GRK3: variants seen among roughly 807,000 people sequenced by gnomAD.
GRK3 encodes the protein adrenergic, beta, receptor kinase 2.
A neutral mutation model predicts 95.7 loss-of-function variants in GRK3; 54 were observed. That is an observed-to-expected ratio of 0.56 (90% CI 0.45 to 0.71). The LOEUF is 0.71. GRK3 is among the 30% of genes least tolerant of loss of function. GRK3 has a pLI of 0.00. For missense variants in GRK3, 649 were observed against 851.2 expected, an observed-to-expected ratio of 0.76 and a Z score of 2.96; for synonymous variants, 281 against 290.8, an observed-to-expected ratio of 0.97 and a Z score of 0.34.
intron 1 of GRK3, among the ~76,000 whole-genome samples, chr22:25,594,799 A>G (rs1429904059): frequency 6.6e-6 from 1 of 151,994 alleles, no homozygotes; most frequent in African/African-American, 2.4e-5. Flanking sequence ...AATGGCGTGA[A>G]CCCAGGAGGC....
At position 25,586,110 on chromosome 22, in the gene GRK3, A is replaced by G. The variant is rs139310427; in HGVS notation, c.114-18267A>G. Among the ~76,000 whole-genome samples the G allele has an allele frequency of 8.0e-4, 122 of 152,372 alleles. No homozygotes were observed. In the East Asian group the frequency reaches 0.021, roughly 26 times the overall value. On this transcript the variant is annotated intron_variant, in intron 1 of 20. Coordinates refer to ENST00000324198, the MANE Select transcript of GRK3 (RefSeq NM_005160.4). ...ATATGCTTATATCATTGTGTAGTTT[A>G]TTTAGAAAAATGATACTCTTTCACT... is the stretch of plus-strand genomic sequence containing the variant.
intron 1 of GRK3, among the ~76,000 whole-genome samples, chr22:25,571,587 A>G (rs1390536557): frequency 6.6e-6 from 1 of 152,244 alleles, no homozygotes; most frequent in African/African-American, 2.4e-5. Flanking sequence ...ATAAGATACA[A>G]GTACACCTTT....
intron 12 of GRK3, among the ~76,000 whole-genome samples, chr22:25,694,588 T>C (rs770112145): frequency 2.0e-5 from 3 of 152,164 alleles, no homozygotes; most frequent in Non-Finnish European, 2.9e-5. Flanking sequence ...TGTTCCTCCT[T>C]CTTTCCCATC....
intron 2 of GRK3, among the ~76,000 whole-genome samples, chr22:25,611,788 C>T (rs1270862400): frequency 6.7e-6 from 1 of 150,276 alleles, no homozygotes; most frequent in Non-Finnish European, 1.5e-5. Flanking sequence ...TTTTTGAAGT[C>T]CAATTTATAC....
chr22:25,567,241 G>A (rs1259404790), intron 1 of GRK3, among the ~76,000 whole-genome samples: 5 of 152,136 alleles, frequency 3.3e-5, no homozygotes, highest in African/African-American at 1.2e-4. Context: ...CTCGAATTGG[G>A]CCATTGGAAC....
chr22:25,648,113 G>T, intron 3 of GRK3: 1 of 588,000 alleles, frequency 1.7e-6, no homozygotes, highest in Non-Finnish European at 3.0e-6. Flanking sequence ...CAAAAACTCC[G>T]TCTAAAAAAC....
chr22:25,685,834 A>G (rs963153295), intron 10 of GRK3, among the ~76,000 whole-genome samples: 2 of 152,160 alleles, frequency 1.3e-5, no homozygotes, highest in Non-Finnish European at 2.9e-5. Context: ...CAAGAACTGA[A>G]ATAAAGCATA....
intron 3 of GRK3, among the ~76,000 whole-genome samples, chr22:25,657,896 T>C (rs1398916769): frequency 6.6e-6 from 1 of 152,156 alleles, no homozygotes; most frequent in African/African-American, 2.4e-5. Context: ...CTTTCTTTTC[T>C]TTAGATTGGA....
At chr22:25,669,659 C>T (rs2084965987) in intron 6 of GRK3, among the ~76,000 whole-genome samples, 1 of 152,198 alleles carries the variant, frequency 6.6e-6, no homozygotes, top group African/African-American at 2.4e-5. Flanking sequence ...TTGGGAATAG[C>T]ACTCAAATAA....
rs113619203 is a variant in GRK3, at chr22:25,701,747, T to A, written c.1161-1763T>A. Among the ~76,000 whole-genome samples the A allele has an allele frequency of 7.2e-3, 1,091 of 152,294 alleles. 14 individuals carry two copies. The highest frequency in any genetic ancestry group is 0.017 in the Middle Eastern group (5 of 294). On this transcript the variant is annotated intron_variant, in intron 13 of 20. Transcript: ENST00000324198. Reference sequence around the variant, plus strand: ...AGGGATTTGTCAAAACACCAGGAGATCTTCACTTAATCCCTTTTTATACAT... The same window carrying A: ...AGGGATTTGTCAAAACACCAGGAGAACTTCACTTAATCCCTTTTTATACAT...
At chr22:25,633,563 T>C (rs1291070834) in intron 2 of GRK3, among the ~76,000 whole-genome samples, 1 of 152,148 alleles carries the variant, frequency 6.6e-6, no homozygotes, top group Non-Finnish European at 1.5e-5. Flanking sequence ...TTTTTTAATG[T>C]TATTATTAAT....
chr22:25,666,705 C>G (rs2084944227), intron 5 of GRK3, among the ~76,000 whole-genome samples: 2 of 152,130 alleles, frequency 1.3e-5, no homozygotes, highest in Middle Eastern at 3.4e-3. Context: ...TGCAGACTTC[C>G]TATTCTCATC....
chr22:25,667,640 C>A, intron 5 of GRK3, 99 bp from the exon 6 acceptor site: 2 of 758,978 alleles, frequency 2.6e-6, no homozygotes, highest in Non-Finnish European at 4.6e-6. Flanking sequence ...ATGGGGAGTG[C>A]ATAATTGGGA....
intron 15 of GRK3, 127 bp downstream of exon 15, chr22:25,704,336 T>C: frequency 3.1e-6 from 2 of 646,868 alleles, no homozygotes. Flanking sequence ...GGGAAAAAAA[T>C]AAATCACATG....
intron 13 of GRK3, among the ~76,000 whole-genome samples, chr22:25,695,835 ATT>A (rs1191151827): frequency 1.3e-4 from 18 of 133,510 alleles, no homozygotes; most frequent in Admixed American, 2.3e-4. Flanking sequence ...CACCCGGCTA[ATT>A]TTTTTTTTTT....
At chr22:25,685,066 A>T (rs991484277) in intron 9 of GRK3, 104 bp from the exon 10 acceptor site, 1 of 757,634 alleles carries the variant, frequency 1.3e-6, no homozygotes, top group Non-Finnish European at 2.3e-6. Context: ...TGTGTCAATT[A>T]AAAAATAAAG....
intron 3 of GRK3, among the ~76,000 whole-genome samples, chr22:25,658,274 A>G (rs2084886444): frequency 6.6e-6 from 1 of 152,214 alleles, no homozygotes; most frequent in Non-Finnish European, 1.5e-5. Context: ...TGTGATTGAT[A>G]CATTGTGGAT....
At chr22:25,608,635 G>T (rs1267215370) in intron 2 of GRK3, among the ~76,000 whole-genome samples, 1 of 152,196 alleles carries the variant, frequency 6.6e-6, no homozygotes, top group African/African-American at 2.4e-5. Flanking sequence ...AGTGGCCCTG[G>T]CTGGCAGCAG....
At chr22:25,651,510 C>G (rs1349474973) in intron 3 of GRK3, among the ~76,000 whole-genome samples, 1 of 152,224 alleles carries the variant, frequency 6.6e-6, no homozygotes, top group Non-Finnish European at 1.5e-5. Flanking sequence ...TATTGACTCT[C>G]TACCAAGAGG....
Sources: allele counts gnomAD v4.1 joint callset (sites outside exome capture counted in the v4.1 genomes callset), GRCh38; gene constraint gnomAD v4.1.1; transcripts MANE v1.5; gene names NCBI Gene and HGNC (gene_info 2026-07-23, HGNC 2026-07-21).